TIPARP: variants seen among roughly 807,000 people sequenced by gnomAD.
The protein encoded by TIPARP is TCDD inducible poly(ADP-ribose) polymerase.
In TIPARP, 12 loss-of-function variants were observed where a neutral mutation model predicts 56.5. That is an observed-to-expected ratio of 0.21 (90% CI 0.14 to 0.34). The LOEUF is 0.34. Ranked by LOEUF, TIPARP falls within the 10% of genes least tolerant of loss-of-function variation. TIPARP has a pLI of 1.00. For synonymous variants in TIPARP, 296 were observed against 265.7 expected, an observed-to-expected ratio of 1.11 and a Z score of -1.11; for missense variants, 604 against 781.6, an observed-to-expected ratio of 0.77 and a Z score of 2.71.
At chr3:156,679,868 CT>C (rs1187959986) in intron 2 of TIPARP, among the ~76,000 whole-genome samples, 1 of 152,174 alleles carries the variant, frequency 6.6e-6, no homozygotes, top group African/African-American at 2.4e-5. Context: ...TCATGTCAAC[CT>C]TCTGAATTCT....
rs752190385 is a variant in TIPARP, at chr3:156,703,699, A to G, written c.1523A>G (p.Lys508Arg). 22 of 1,609,024 alleles carry G rather than the reference A, an allele frequency of 1.4e-5. No homozygotes were observed. Among genetic ancestry groups the G allele is most frequent in the Non-Finnish European group, 1.9e-5 (22 of 1,179,100 alleles). ...AACCAGTTTCTTTGGGAGAAATATAAAAGGTGAGTCAGATGTATGAAAAGT... is the reference window on the plus strand; with the variant it reads ...AACCAGTTTCTTTGGGAGAAATATAGAAGGTGAGTCAGATGTATGAAAAGT... The part of the protein sequence containing the change: ...VQNQFLWEKY[K>R]RKKEYMNRKM... The change falls in exon 5 of 6, where the codon AAA becomes AGA. Residue 508 changes from lysine to arginine, a missense_variant. Physicochemically the swap from Lys to Arg is conservative, Grantham distance 26. Around this residue, in one of 4 missense-constraint regions of TIPARP, gnomAD observed 252 missense variants for 303.9 expected, o/e 0.83. Coordinates refer to ENST00000295924, the MANE Select transcript of TIPARP (RefSeq NM_015508.5).
intron 2 of TIPARP, among the ~76,000 whole-genome samples, chr3:156,686,322 C>G (rs2108490295): frequency 6.6e-6 from 1 of 152,228 alleles, no homozygotes; most frequent in Middle Eastern, 3.4e-3. Flanking sequence ...AATCCAACTC[C>G]CTCAGAAAAA....
intron 1 of TIPARP, among the ~76,000 whole-genome samples, chr3:156,677,418 G>GC (rs1255585608): frequency 1.3e-5 from 2 of 152,168 alleles, no homozygotes; most frequent in Non-Finnish European, 2.9e-5. Context: ...ACAAATGCAT[G>GC]CCAATGGCCT....
At chr3:156,679,494 TAA>T (rs1217235817) in intron 2 of TIPARP, among the ~76,000 whole-genome samples, 1 of 152,228 alleles carries the variant, frequency 6.6e-6, no homozygotes, top group Non-Finnish European at 1.5e-5. Context: ...TTTACATCTG[TAA>T]GTTATTTCTC....
At chr3:156,679,808 A>C (rs1367967252) in intron 2 of TIPARP, among the ~76,000 whole-genome samples, 4 of 152,222 alleles carry the variant, frequency 2.6e-5, no homozygotes, top group African/African-American at 9.6e-5. Flanking sequence ...CTAGAGAGTC[A>C]GCAAATGGTT....
intron 1 of TIPARP, among the ~76,000 whole-genome samples, chr3:156,676,212 A>G (rs910703630): frequency 6.6e-6 from 1 of 152,186 alleles, no homozygotes; most frequent in Admixed American, 6.5e-5. Context: ...CAGTTGATTT[A>G]TGTCTCATGT....
chr3:156,678,273 C>T lies in TIPARP; in HGVS notation c.576C>T (p.Asn192=). 1 of 1,614,134 alleles carries T rather than the reference C, an allele frequency of 6.2e-7. No individual in the cohort carries two copies. The highest frequency in any genetic ancestry group is 2.2e-5 in the East Asian group (1 of 44,884). The change falls in exon 2 of 6, where the codon AAC becomes AAT. Residue 192 remains asparagine, a synonymous_variant. Transcript: ENST00000295924. ...IDYVPGIFQE[N]SFTIQYILDT... ...ATGTTCCAGGCATTTTCCAAGAAAA[C>T]AGTTTTACAATCCAATACATTCTGG...
intron 1 of TIPARP, among the ~76,000 whole-genome samples, chr3:156,676,194 C>T (rs1353700129): frequency 6.6e-6 from 1 of 152,200 alleles, no homozygotes; most frequent in Admixed American, 6.5e-5. Flanking sequence ...CCTGGCTTGG[C>T]TCCTTTCCAG....
chr3:156,688,817 A>T (rs906642030), intron 2 of TIPARP, among the ~76,000 whole-genome samples: 1 of 152,208 alleles, frequency 6.6e-6, no homozygotes, highest in African/African-American at 2.4e-5. Flanking sequence ...CGGCAAACAT[A>T]TCCCATCTGC....
Position 156,703,600 on chromosome 3 carries a change from G to A in TIPARP, c.1424G>A (p.Arg475Gln). ...VPVSAEDKSY[R>Q]IIYNLFHKTV... ...GTTTCTGCAGAGGATAAAAGTTATC[G>A]GATCATTTACAATCTTTTTCATAAG... Residue 475 changes from arginine (R) to glutamine (Q), a missense_variant, in exon 5 of 6, where the codon CGG becomes CAG. Around this residue, in one of 4 missense-constraint regions of TIPARP, gnomAD observed 252 missense variants for 303.9 expected, o/e 0.83. Coordinates refer to ENST00000295924, the MANE Select transcript of TIPARP (RefSeq NM_015508.5). The A allele has an allele frequency of 6.2e-6, 10 of 1,614,126 alleles. No individual in the cohort carries two copies. Among genetic ancestry groups the A allele is most frequent in the Non-Finnish European group, 8.5e-6 (10 of 1,180,018 alleles).
At chr3:156,688,507 G>A (rs1304198486) in intron 2 of TIPARP, among the ~76,000 whole-genome samples, 2 of 141,822 alleles carry the variant, frequency 1.4e-5, no homozygotes, top group Non-Finnish European at 3.0e-5. Context: ...AAGTAGCCCT[G>A]TGCTACTTAT....
chr3:156,680,361 A>T (rs1722263462), intron 2 of TIPARP, among the ~76,000 whole-genome samples: 1 of 152,154 alleles, frequency 6.6e-6, no homozygotes. Context: ...AAATCTTTTT[A>T]ATAAGGTATT....
At chr3:156,681,761 A>C (rs1345025595) in intron 2 of TIPARP, among the ~76,000 whole-genome samples, 1 of 152,056 alleles carries the variant, frequency 6.6e-6, no homozygotes, top group Non-Finnish European at 1.5e-5. Flanking sequence ...TTGCTTTCTC[A>C]TTTTGCTTTT....
chr3:156,679,932 T>A (rs192450387), intron 2 of TIPARP, among the ~76,000 whole-genome samples: 2 of 152,322 alleles, frequency 1.3e-5, no homozygotes, highest in South Asian at 2.1e-4. Flanking sequence ...TTTTTTTGTT[T>A]GTTTGTTTTT....
chr3:156,695,120 T>C (rs1042750115), intron 3 of TIPARP, among the ~76,000 whole-genome samples: 1 of 152,190 alleles, frequency 6.6e-6, no homozygotes, highest in African/African-American at 2.4e-5. Context: ...ACTCTCAGAA[T>C]ACTCAGACTG....
At chr3:156,682,064 T>C (rs1397000275) in intron 2 of TIPARP, among the ~76,000 whole-genome samples, 1 of 152,226 alleles carries the variant, frequency 6.6e-6, no homozygotes, top group Non-Finnish European at 1.5e-5. Context: ...ATTGAAATTA[T>C]GGAGGTTGTG....
chr3:156,688,606 C>G (rs1399764150), intron 2 of TIPARP, among the ~76,000 whole-genome samples: 1 of 151,662 alleles, frequency 6.6e-6, no homozygotes, highest in Non-Finnish European at 1.5e-5. Flanking sequence ...ACATAGTTTT[C>G]TGAAGTTTAA....
At chr3:156,704,597 C>T (rs1334791623) in intron 5 of TIPARP, 87 bp from the exon 6 acceptor site, 4 of 1,391,192 alleles carry the variant, frequency 2.9e-6, no homozygotes, top group African/African-American at 2.9e-5. Flanking sequence ...TCATTAAAAC[C>T]ATAAAGAGAA....
chr3:156,699,785 C>A (rs1187821059), intron 4 of TIPARP, among the ~76,000 whole-genome samples: 1 of 152,018 alleles, frequency 6.6e-6, no homozygotes, highest in Admixed American at 6.6e-5. Flanking sequence ...CTATTTTAAT[C>A]TTTCTGTCTA....
Sources: allele counts gnomAD v4.1 joint callset (sites outside exome capture counted in the v4.1 genomes callset), GRCh38; gene constraint gnomAD v4.1.1; regional missense constraint gnomAD v4.1.1; transcripts MANE v1.5; gene names NCBI Gene and HGNC (gene_info 2026-07-23, HGNC 2026-07-21).